The following C8orf34 variants were observed in gnomAD, a reference collection of about 807,000 sequenced individuals.
C8orf34 encodes the protein chromosome 8 open reading frame 34, also known as uncharacterized protein C8orf34.
A neutral mutation model predicts 68.3 loss-of-function variants in C8orf34; 65 were observed. The ratio of observed to expected loss-of-function variants is 0.95; its 90% CI spans 0.78 to 1.17. C8orf34 has a LOEUF of 1.17. C8orf34 is among the 50% of genes most tolerant of loss of function. The pLI, the probability that C8orf34 is intolerant of heterozygous loss-of-function variation, is 0.00. For missense variants in C8orf34, 664 were observed against 655.4 expected (o/e 1.01, Z -0.14); for synonymous variants, 244 against 241.2 (o/e 1.01, Z -0.11).
intron 8 of C8orf34, among the ~76,000 whole-genome samples, chr8:68,693,296 C>A (rs552748419): frequency 2.0e-5 from 3 of 152,064 alleles, no homozygotes; most frequent in Non-Finnish European, 4.4e-5. Context: ...GCCTGGAAGA[C>A]TTCTGTTGGT....
chr8:68,418,571 G>A (rs1488064573), intron 1 of C8orf34, among the ~76,000 whole-genome samples: 1 of 152,070 alleles, frequency 6.6e-6, no homozygotes, highest in Non-Finnish European at 1.5e-5. Context: ...TTTTGTCTTT[G>A]GTTCTGTTTA....
chr8:68,415,583 T>C (rs1032582969), intron 1 of C8orf34, among the ~76,000 whole-genome samples: 5 of 152,216 alleles, frequency 3.3e-5, no homozygotes, highest in African/African-American at 1.2e-4. Context: ...ATTGCTCCAC[T>C]GTGTGTAGAT....
intron 1 of C8orf34, among the ~76,000 whole-genome samples, chr8:68,338,071 G>A (rs1371801661): frequency 6.6e-6 from 1 of 152,092 alleles, no homozygotes; most frequent in Non-Finnish European, 1.5e-5. Context: ...ATTACACAAT[G>A]CCTTTATTTC....
intron 1 of C8orf34, among the ~76,000 whole-genome samples, chr8:68,398,793 T>C (rs1808827817): frequency 1.3e-5 from 2 of 152,182 alleles, no homozygotes; most frequent in African/African-American, 4.8e-5. Context: ...TGGATTGTTT[T>C]GCTAAATATG....
chr8:68,667,925 C>A (rs993888871), intron 8 of C8orf34, among the ~76,000 whole-genome samples: 1 of 151,964 alleles, frequency 6.6e-6, no homozygotes. Context: ...AATCATTTTC[C>A]AACAGCTTTA....
chr8:68,651,590 C>G (rs959414510), intron 8 of C8orf34, among the ~76,000 whole-genome samples: 29 of 152,138 alleles, frequency 1.9e-4, no homozygotes, highest in Non-Finnish European at 3.7e-4. Context: ...AAATCCTTTT[C>G]GTCCTTTGCA....
chr8:68,560,244 A>G (rs1816381234), intron 7 of C8orf34, among the ~76,000 whole-genome samples: 1 of 151,840 alleles, frequency 6.6e-6, no homozygotes, highest in South Asian at 2.1e-4. Context: ...CAGTTCACAC[A>G]CATGCAGTAG....
At chr8:68,589,062 GC>G (rs1215028661) in intron 7 of C8orf34, among the ~76,000 whole-genome samples, 3 of 152,094 alleles carry the variant, frequency 2.0e-5, no homozygotes, top group African/African-American at 7.2e-5. Flanking sequence ...CTTGGACTAG[GC>G]TAATTCCCAA....
intron 1 of C8orf34, among the ~76,000 whole-genome samples, chr8:68,420,531 G>GCACA (rs35400598): frequency 3.1e-4 from 46 of 149,722 alleles, no homozygotes; most frequent in African/African-American, 7.3e-4. Flanking sequence ...GCAACATGTG[G>GCACA]CACACACACA....
At chr8:68,587,166 C>T (rs1309316758) in intron 7 of C8orf34, among the ~76,000 whole-genome samples, 1 of 152,064 alleles carries the variant, frequency 6.6e-6, no homozygotes, top group Non-Finnish European at 1.5e-5. Flanking sequence ...GGGACAATTA[C>T]TCATTTCTTG....
intron 8 of C8orf34, among the ~76,000 whole-genome samples, chr8:68,672,367 G>T (rs1820040800): frequency 2.0e-5 from 3 of 152,222 alleles, no homozygotes; most frequent in Admixed American, 2.0e-4. Context: ...GCACTGAAGA[G>T]GGAAGGAAAG....
At chr8:68,534,282 T>A (rs1042549473) in intron 7 of C8orf34, 1 of 985,270 alleles carries the variant, frequency 1.0e-6, no homozygotes, top group Non-Finnish European at 1.2e-6. Flanking sequence ...TCCCTTCCAA[T>A]TGGGTCTTTT....
intron 5 of C8orf34, among the ~76,000 whole-genome samples, chr8:68,501,292 A>G (rs1329218351): frequency 6.6e-6 from 1 of 152,152 alleles, no homozygotes; most frequent in Non-Finnish European, 1.5e-5. Context: ...AGACCTAAGT[A>G]GTGTCCATTT....
chr8:68,330,833 C>G (rs1290056994), upstream of C8orf34: 3 of 527,002 alleles, frequency 5.7e-6, no homozygotes, highest in African/African-American at 2.0e-5. Flanking sequence ...ACACCGGTGG[C>G]GAGTTCGAGC....
At chr8:68,787,318 T>A in intron 11 of C8orf34, 125 bp from the exon 12 acceptor site, 1 of 574,054 alleles carries the variant, frequency 1.7e-6, no homozygotes, top group Non-Finnish European at 3.0e-6. Flanking sequence ...CTCTCCTTTT[T>A]TTAATGAGGA....
chr8:68,420,531 G>A (rs1468070002), intron 1 of C8orf34, among the ~76,000 whole-genome samples: 1 of 149,632 alleles, frequency 6.7e-6, no homozygotes, highest in African/African-American at 2.5e-5. Context: ...GCAACATGTG[G>A]CACACACACA....
At chr8:68,694,089 C>T (rs934762119) in intron 8 of C8orf34, among the ~76,000 whole-genome samples, 1 of 151,994 alleles carries the variant, frequency 6.6e-6, no homozygotes, top group Non-Finnish European at 1.5e-5. Context: ...TCTCTAAGCA[C>T]CTCTTATTAG....
chr8:68,503,260 T>C (rs1345144238), intron 5 of C8orf34, among the ~76,000 whole-genome samples: 3 of 152,208 alleles, frequency 2.0e-5, no homozygotes, highest in Non-Finnish European at 4.4e-5. Context: ...TATTGTTATC[T>C]ATGTTAATAC....
chr8:68,332,251 C>T (rs1189177766), intron 1 of C8orf34, among the ~76,000 whole-genome samples: 1 of 152,106 alleles, frequency 6.6e-6, no homozygotes, highest in East Asian at 1.9e-4. Flanking sequence ...GCGTGCGGAC[C>T]GTAGTCAGAA....
Sources: gnomAD v4.1 joint callset for allele counts (sites outside exome capture counted in the v4.1 genomes callset) on GRCh38, gnomAD v4.1.1 for gene constraint, MANE v1.5 for transcripts, NCBI Gene and HGNC (gene_info 2026-07-23, HGNC 2026-07-21) for gene names.